PARPBP: variants seen among roughly 807,000 people sequenced by gnomAD.
PARPBP encodes the protein PARP1 binding protein.
A neutral mutation model predicts 50.0 loss-of-function variants in PARPBP; 52 were observed. The ratio of observed to expected loss-of-function variants is 1.04; its 90% CI spans 0.83 to 1.31. The LOEUF (loss-of-function observed/expected upper bound fraction) is 1.31. Among genes scored for constraint, PARPBP ranks in the 50% most tolerant of loss-of-function variants. The pLI, the probability that PARPBP is intolerant of heterozygous loss-of-function variation, is 0.00. For synonymous variants in PARPBP, 244 were observed against 232.1 expected (o/e 1.05, Z -0.47); for missense variants, 697 against 672.0 (o/e 1.04, Z -0.41).
In PARPBP at chr12:102,181,213, A is replaced by G. The variant is rs573109429; in HGVS notation, c.1185-1336A>G. ...ATAAGTCAACTTTCTATTCTTCACAATATCTTGTATAGTGCCTTACAAATA... is the reference window on the plus strand; with the variant it reads ...ATAAGTCAACTTTCTATTCTTCACAGTATCTTGTATAGTGCCTTACAAATA... On this transcript the variant is annotated intron_variant, in intron 8 of 10. Coordinates refer to ENST00000327680, the MANE Select transcript of PARPBP (RefSeq NM_017915.5). Among the ~76,000 whole-genome samples, 7 of 152,304 alleles carry G rather than the reference A, an allele frequency of 4.6e-5. No homozygotes were observed. In the South Asian group the frequency reaches 1.5e-3, roughly 32 times the overall value.
chr12:102,168,203 A>T (rs1330766726), intron 6 of PARPBP, among the ~76,000 whole-genome samples: 1 of 152,178 alleles, frequency 6.6e-6, no homozygotes, highest in Non-Finnish European at 1.5e-5. Context: ...TTTGGAAAAG[A>T]GCAGAGATAA....
At chr12:102,131,693 A>G (rs1228424008) in intron 2 of PARPBP, among the ~76,000 whole-genome samples, 2 of 152,124 alleles carry the variant, frequency 1.3e-5, no homozygotes, top group East Asian at 1.9e-4. Flanking sequence ...TTTGCAGGAA[A>G]AGGAACTAGA....
chr12:102,147,431 T>C (rs1885530071), intron 2 of PARPBP, among the ~76,000 whole-genome samples: 1 of 151,786 alleles, frequency 6.6e-6, no homozygotes, highest in Admixed American at 6.6e-5. Context: ...ATGGATGAAA[T>C]TGGAAATCAT....
intron 2 of PARPBP, among the ~76,000 whole-genome samples, chr12:102,139,265 TCAC>T (rs1425069597): frequency 6.6e-6 from 1 of 152,142 alleles, no homozygotes; most frequent in Non-Finnish European, 1.5e-5. Context: ...GAATGAGAGT[TCAC>T]TCATGATTTG....
At chr12:102,125,464 A>G (rs1053607462) in intron 2 of PARPBP, among the ~76,000 whole-genome samples, 8 of 152,150 alleles carry the variant, frequency 5.3e-5, no homozygotes, top group Admixed American at 5.2e-4. Flanking sequence ...GAAACAGGGG[A>G]GGGCATTAGC....
At chr12:102,155,192 G>A (rs1012065875) in intron 4 of PARPBP, 1 of 158,626 alleles carries the variant, frequency 6.3e-6, no homozygotes, top group Non-Finnish European at 1.4e-5. Flanking sequence ...CTGAGGCAGG[G>A]GAATTGCTTG....
Position 102,175,524 on chromosome 12 carries a change from T to G in PARPBP, c.863T>G (p.Leu288Arg). 6.2e-7 allele frequency: 1 copy of G among 1,613,806 alleles called. No homozygotes were observed. Residue 288 changes from leucine to arginine, a missense_variant, in exon 7 of 11, where the codon CTG becomes CGG. Leu to Arg is a moderately radical substitution (Grantham distance 102). Coordinates refer to ENST00000327680, the MANE Select transcript of PARPBP (RefSeq NM_017915.5). ...ATACTGTCAGTGATAAAGATGCAAC[T>G]GATTAAAGGCCAAAACAGCAGGGAT... ...GQILSVIKMQ[L>R]IKGQNSRDPF...
At chr12:102,131,493 A>G (rs1882846393) in intron 2 of PARPBP, among the ~76,000 whole-genome samples, 1 of 152,258 alleles carries the variant, frequency 6.6e-6, no homozygotes, top group Non-Finnish European at 1.5e-5. Flanking sequence ...TATTGGGTAT[A>G]TATCCAAAGG....
chr12:102,139,299 G>T (rs569270088), intron 2 of PARPBP, among the ~76,000 whole-genome samples: 1 of 152,176 alleles, frequency 6.6e-6, no homozygotes, highest in East Asian at 1.9e-4. Context: ...TGTGATTGGT[G>T]TATAAGAATG....
intron 2 of PARPBP, among the ~76,000 whole-genome samples, chr12:102,139,618 T>A (rs1048967789): frequency 6.6e-6 from 1 of 152,220 alleles, no homozygotes; most frequent in African/African-American, 2.4e-5. Context: ...TGGCTGTGGC[T>A]TTGTCATAAT....
intron 8 of PARPBP, 121 bp from the exon 9 acceptor site, chr12:102,182,428 C>T (rs1331233331): frequency 3.0e-6 from 2 of 657,312 alleles, no homozygotes; most frequent in Middle Eastern, 3.5e-4. Flanking sequence ...TGGGAGGTAA[C>T]CCCATCATAA....
chr12:102,156,233 CTG>C (rs1886918383), intron 4 of PARPBP, among the ~76,000 whole-genome samples: 1 of 123,884 alleles, frequency 8.1e-6, no homozygotes, highest in Non-Finnish European at 1.6e-5. Context: ...GTCACCCAGA[CTG>C]GAGTGCAGTG....
chr12:102,164,830 C>T, intron 5 of PARPBP: 1 of 561,222 alleles, frequency 1.8e-6, no homozygotes, highest in South Asian at 2.1e-5. Context: ...CTGTATAGTG[C>T]TAGCCCTGAT....
intron 2 of PARPBP, among the ~76,000 whole-genome samples, chr12:102,129,074 T>A (rs531829094): frequency 1.3e-5 from 2 of 152,312 alleles, no homozygotes; most frequent in Admixed American, 1.3e-4. Context: ...TTTATATACC[T>A]CTTGGCAATT....
At chr12:102,123,204 A>G (rs1397363025) in intron 1 of PARPBP, among the ~76,000 whole-genome samples, 1 of 152,252 alleles carries the variant, frequency 6.6e-6, no homozygotes, top group African/African-American at 2.4e-5. Context: ...AGTGTTTAGC[A>G]TAAACTATAT....
intron 2 of PARPBP, among the ~76,000 whole-genome samples, chr12:102,141,516 G>T (rs1414124728): frequency 1.3e-5 from 2 of 152,170 alleles, no homozygotes; most frequent in East Asian, 3.8e-4. Context: ...GTGTGAATTT[G>T]ATCCTGTCAT....
intron 2 of PARPBP, among the ~76,000 whole-genome samples, chr12:102,131,574 G>T (rs1470900474): frequency 6.6e-6 from 1 of 152,108 alleles, no homozygotes; most frequent in Non-Finnish European, 1.5e-5. Context: ...CAGAAGCAAA[G>T]ATTTGGAATC....
chr12:102,122,053 G>GT (rs1048158264), intron 1 of PARPBP, among the ~76,000 whole-genome samples: 13 of 152,194 alleles, frequency 8.5e-5, no homozygotes, highest in Admixed American at 2.0e-4. Context: ...CTCGCAGCCA[G>GT]TAAGTGGTGG....
intron 2 of PARPBP, among the ~76,000 whole-genome samples, chr12:102,142,194 C>A (rs1884713716): frequency 6.6e-6 from 1 of 152,100 alleles, no homozygotes; most frequent in Non-Finnish European, 1.5e-5. Context: ...TCTTTTTACT[C>A]TTTTTTCTCT....
Sources: allele counts gnomAD v4.1 joint callset (sites outside exome capture counted in the v4.1 genomes callset), GRCh38; gene constraint gnomAD v4.1.1; transcripts MANE v1.5; gene names NCBI Gene and HGNC (gene_info 2026-07-23, HGNC 2026-07-21).